VILL: variants seen among roughly 807,000 people sequenced by gnomAD.
VILL encodes the protein villin-like protein.
A neutral mutation model predicts 106.3 loss-of-function variants in VILL; 102 were observed. The ratio of observed to expected loss-of-function variants is 0.96; its 90% CI spans 0.82 to 1.13. The LOEUF (loss-of-function observed/expected upper bound fraction) is 1.13, where lower values mean the gene tolerates loss of function less well. VILL is among the 50% of genes most tolerant of loss of function. The pLI is 0.00. For missense variants in VILL, 1,076 were observed against 1,116.6 expected (o/e 0.96, Z 0.52); for synonymous variants, 431 against 440.3 (o/e 0.98, Z 0.27).
At position 38,004,240 on chromosome 3, in the gene VILL, G is replaced by A. The variant is rs1391702038; in HGVS notation, c.1806-15G>A. 1.9e-6 allele frequency: 3 copies of A among 1,602,108 alleles called. No homozygotes were observed. Among genetic ancestry groups the A allele is most frequent in the Non-Finnish European group, 2.6e-6 (3 of 1,170,918 alleles). On this transcript the variant is annotated splice_polypyrimidine_tract_variant and intron_variant, in intron 15 of 19. Transcript: ENST00000383759. Reference sequence around the variant, plus strand: ...CCTCTGGGTGGCTCACAGCCTTGCTGTCCGTGCTGGCCAGGCTCCCTGAGG... The same window carrying A: ...CCTCTGGGTGGCTCACAGCCTTGCTATCCGTGCTGGCCAGGCTCCCTGAGG...
At position 38,001,465 on chromosome 3, in the gene VILL, A is replaced by C; in HGVS notation, c.1192A>C (p.Ile398Leu). The change falls in exon 12 of 20, where the codon ATC becomes CTC. Residue 398 changes from isoleucine (I) to leucine (L), a missense_variant. Ile to Leu is a conservative substitution (Grantham distance 5, BLOSUM62 2). Coordinates refer to ENST00000383759, the MANE Select transcript of VILL (RefSeq NM_015873.4). The part of the protein sequence containing the change: ...DGSGKVEVWC[I>L]QDLHRQPVDP... ...GTCCCTTATTCCCCAGGTGTGGTGC[A>C]TCCAGGACTTACACAGGCAGCCCGT... is the stretch of plus-strand genomic sequence containing the variant. 1 of 1,614,144 alleles carries C rather than the reference A, an allele frequency of 6.2e-7. No homozygotes were observed. The highest frequency in any genetic ancestry group is 1.1e-5 in the South Asian group (1 of 91,090).
chr3:38,006,380 G>A, intron 18 of VILL, 69 bp from the exon 19 acceptor site: 7 of 1,589,466 alleles, frequency 4.4e-6, no homozygotes, highest in Admixed American at 1.7e-5. Context: ...AGGCCTGTGG[G>A]TTCAGTGCAG....
upstream of VILL, among the ~76,000 whole-genome samples, chr3:37,988,660 C>T (rs1055761047): frequency 1.3e-5 from 2 of 152,156 alleles, no homozygotes; most frequent in Admixed American, 6.5e-5. Context: ...GTCAGGAGTT[C>T]GCAACCAGCC....
At position 37,999,582 on chromosome 3, in the gene VILL, A is replaced by G. The variant is rs1490449571; in HGVS notation, c.1182+143A>G. ...GACACAAAGGGACACGTGTACATTT[A>G]CATACTCTCCTAGCAGGCAGTTCAT... On this transcript the variant is annotated intron_variant, in intron 11 of 19. Transcript: ENST00000383759. The G allele has an allele frequency of 5.2e-6, 3 of 580,466 alleles. No homozygotes were observed. The East Asian group carries it at 1.0e-4, about 19-fold the overall frequency. The allele number at this position is 580,466 out of a possible 1,614,324, so 36.0% of individuals were successfully genotyped here.
intron 5 of VILL, among the ~76,000 whole-genome samples, chr3:37,996,290 C>T (rs543091928): frequency 6.6e-6 from 1 of 152,290 alleles, no homozygotes; most frequent in African/African-American, 2.4e-5. Context: ...ACCTCGCACT[C>T]TCTCACACAC....
intron 13 of VILL, 130 bp downstream of exon 13, chr3:38,001,990 T>C (rs1437406073): frequency 6.9e-7 from 1 of 1,448,794 alleles, no homozygotes; most frequent in Admixed American, 2.0e-5. Context: ...TCCCAGAGCT[T>C]GTCCAAGGCC....
intron 16 of VILL, among the ~76,000 whole-genome samples, chr3:38,004,771 T>C (rs1310046076): frequency 1.3e-5 from 2 of 152,220 alleles, no homozygotes; most frequent in Non-Finnish European, 2.9e-5. Context: ...GCATCATTCA[T>C]GTGTGTGGCT....
intron 16 of VILL, among the ~76,000 whole-genome samples, chr3:38,004,793 T>A (rs745963103): frequency 3.3e-5 from 5 of 152,194 alleles, no homozygotes; most frequent in Non-Finnish European, 7.3e-5. Flanking sequence ...GGTGTGAGTG[T>A]TTGCCTTCGT....
chr3:38,001,294 C>T, intron 11 of VILL, 162 bp from the exon 12 acceptor site: 2 of 1,079,856 alleles, frequency 1.9e-6, no homozygotes, highest in Non-Finnish European at 2.6e-6. Context: ...GTACAAAGCC[C>T]AGCACAAGGC....
Position 37,995,837 on chromosome 3 carries a change from C to G in VILL, c.440C>G (p.Ser147Cys). The stretch of plus-strand genomic sequence containing the variant: ...CACATCAAAGGGAGGAAGCACGTGT[C>G]TGCCACTGAGGTGAGGCTGCCAGGG... ...LLHIKGRKHV[S>C]ATEVELSWNS... The change falls in exon 5 of 20, where the codon TCT becomes TGT. Residue 147 changes from serine to cysteine, a missense_variant. Ser to Cys is a moderately radical substitution (Grantham distance 112). Transcript: ENST00000383759. 3 of 1,613,478 alleles carry G rather than the reference C, an allele frequency of 1.9e-6. No individual in the cohort carries two copies. The highest frequency in any genetic ancestry group is 1.7e-6 in the Non-Finnish European group (2 of 1,179,626).
At position 37,998,426 on chromosome 3, in the gene VILL, C is replaced by G; in HGVS notation, c.942+62C>G. The G allele has an allele frequency of 6.8e-7, 1 of 1,475,894 alleles. No individual in the cohort carries two copies. The highest frequency in any genetic ancestry group is 9.4e-7 in the Non-Finnish European group (1 of 1,058,978). The allele number at this position is 1,475,894 out of a possible 1,614,324, so 91.4% of individuals were successfully genotyped here. On this transcript the variant is annotated intron_variant, in intron 9 of 19. Coordinates refer to ENST00000383759, the MANE Select transcript of VILL (RefSeq NM_015873.4). This position sits in a 1 kb window ranked among gnomAD's most constrained non-coding sequence, Gnocchi z 4.1. ...CTGCCCTGGGGTCTGAGTGGGGAGG[C>G]AGCTCCGCCCCAGGGTCTAAGGGAG...
intron 5 of VILL, among the ~76,000 whole-genome samples, chr3:37,996,158 G>A (rs962581389): frequency 5.3e-5 from 8 of 152,138 alleles, no homozygotes; most frequent in African/African-American, 1.9e-4. Flanking sequence ...CTGTACTCCA[G>A]CAGCTTGGGT....
intron 13 of VILL, 146 bp downstream of exon 13, chr3:38,002,006 G>A (rs1699827066): frequency 1.5e-6 from 2 of 1,358,572 alleles, no homozygotes; most frequent in South Asian, 1.3e-5. Flanking sequence ...AGGCCCAGGA[G>A]CTCCAAGGTT....
At chr3:37,992,379 C>T (rs1699622937) in intron 1 of VILL, among the ~76,000 whole-genome samples, 1 of 152,128 alleles carries the variant, frequency 6.6e-6, no homozygotes, top group Non-Finnish European at 1.5e-5. Flanking sequence ...GCCTGTCACT[C>T]ATGTCATTGT....
At chr3:38,001,382 C>T (rs1699812648) in intron 11 of VILL, 74 bp from the exon 12 acceptor site, 3 of 1,581,994 alleles carry the variant, frequency 1.9e-6, no homozygotes, top group Non-Finnish European at 2.6e-6. Context: ...GGAGAGCTTT[C>T]CGGTTGGGTA....
chr3:37,994,240 A>C lies in VILL; in HGVS notation c.136-21A>C, dbSNP rs1471283455. On this transcript the variant is annotated intron_variant, in intron 3 of 19. Coordinates refer to ENST00000383759, the MANE Select transcript of VILL (RefSeq NM_015873.4). ...CCTCCGTCTTCCCCGCAACACATAT[A>C]CACAAACACCCGGACCCTAGGTCCC... 5 of 1,591,416 alleles carry C rather than the reference A, an allele frequency of 3.1e-6. No homozygotes were observed. The Admixed American group carries it at 7.0e-5, about 22-fold the overall frequency.
In VILL at chr3:37,997,351, C is replaced by A; in HGVS notation, c.562-132C>A. The A allele has an allele frequency of 3.4e-6, 4 of 1,177,756 alleles. No individual in the cohort carries two copies. Among genetic ancestry groups the A allele is most frequent in the Non-Finnish European group, 4.9e-6 (4 of 824,324 alleles). 73.0% of individuals were successfully genotyped at this position (1,177,756 alleles called of 1,614,324 possible). A position where few individuals can be genotyped will look rare whatever the true frequency, so the allele number is the denominator to read the frequency against. On this transcript the variant is annotated intron_variant, in intron 6 of 19. Coordinates refer to ENST00000383759, the MANE Select transcript of VILL (RefSeq NM_015873.4). The surrounding 1 kb of genome is among the most constrained non-coding windows in gnomAD (Gnocchi z 4.7). ...TTCAGACCCTGCATTGTTGGTGTCC[C>A]CCTGGATGCCAGGATGAGGGGACAT...
At chr3:37,999,183 G>T in intron 10 of VILL, 133 bp downstream of exon 10, 2 of 1,248,296 alleles carry the variant, frequency 1.6e-6, no homozygotes, top group South Asian at 1.6e-5. Context: ...GGTCTGCACG[G>T]GGCGGAACAG....
Position 38,006,808 on chromosome 3 carries a change from T to TGTC in VILL, c.2457+109_2457+111dup, listed in dbSNP as rs1699938914. ...CAGTGGGCAACTGCCCCGGGAGATG[T>TGTC]GTCTTCTAGCTGGGGTGGTGGGCAA... On this transcript the variant is annotated intron_variant, in intron 19 of 19. Transcript: ENST00000383759. 6 of 1,531,834 alleles carry TGTC rather than the reference T, an allele frequency of 3.9e-6. No individual in the cohort carries two copies. The East Asian group carries it at 1.1e-4, about 29-fold the overall frequency. 94.9% of individuals were successfully genotyped at this position (1,531,834 alleles called of 1,614,324 possible).
Sources: allele counts gnomAD v4.1 joint callset (sites outside exome capture counted in the v4.1 genomes callset), GRCh38; gene constraint gnomAD v4.1.1; non-coding constraint Gnocchi (gnomAD v3.1); transcripts MANE v1.5; gene names NCBI Gene and HGNC (gene_info 2026-07-23, HGNC 2026-07-21).